The following RPS24 variants were observed in gnomAD, a reference collection of about 807,000 sequenced individuals.
RPS24 encodes ribosomal protein S24.
For missense variants in RPS24, 100 were observed against 162.5 expected, an observed-to-expected ratio of 0.62 and a Z score of 2.09; for synonymous variants, 72 against 55.6, an observed-to-expected ratio of 1.30 and a Z score of -1.31.
chr10:78,034,965 G>A (rs563624021), intron 1 of RPS24, among the ~76,000 whole-genome samples: 2 of 152,328 alleles, frequency 1.3e-5, no homozygotes, highest in African/African-American at 4.8e-5. Context: ...GGAAAGGTGG[G>A]AAGTGCTTCC....
At chr10:78,054,832 G>A in exon 5 of RPS24, 1 of 1,551,608 alleles carries the variant, frequency 6.4e-7, no homozygotes, top group African/African-American at 1.4e-5. Context: ...GCTCCTGCTG[G>A]TTCTCCCCAC....
intron 4 of RPS24, among the ~76,000 whole-genome samples, chr10:78,054,308 G>A (rs1352779439): frequency 2.0e-5 from 3 of 152,164 alleles, no homozygotes; most frequent in Non-Finnish European, 1.5e-5. Context: ...AGACTATGCT[G>A]TTTTCATTCC....
intron 4 of RPS24, among the ~76,000 whole-genome samples, chr10:78,052,071 G>A (rs1165073981): frequency 6.6e-6 from 1 of 152,030 alleles, no homozygotes; most frequent in East Asian, 1.9e-4. Flanking sequence ...TGTCGCCCAG[G>A]CTGGAGTACA....
Position 78,033,889 on chromosome 10 carries a change from A to G in RPS24, c.-13A>G, listed in dbSNP as rs376826449. The G allele has an allele frequency of 1.3e-4, 208 of 1,613,942 alleles. No individual in the cohort carries two copies. The highest frequency in any genetic ancestry group is 2.3e-5 in the Non-Finnish European group (27 of 1,179,996). On this transcript the variant is annotated 5_prime_UTR_variant, in exon 1 of 6. Transcript: ENST00000372360. ...TCTTTTCCTCCTTGGCTGTCTGAAGATAGATCGCCATCATGGTGAGTCTCC... is the reference window on the plus strand; with the variant it reads ...TCTTTTCCTCCTTGGCTGTCTGAAGGTAGATCGCCATCATGGTGAGTCTCC...
chr10:78,037,517 C>T, intron 4 of RPS24: 1 of 668,232 alleles, frequency 1.5e-6, no homozygotes, highest in Non-Finnish European at 2.3e-6. Flanking sequence ...CCCTTGTCAG[C>T]TCACAGCACA....
downstream of RPS24, chr10:78,040,811 T>G (rs1239064772): frequency 1.3e-6 from 1 of 762,680 alleles, no homozygotes; most frequent in East Asian, 2.7e-5. Flanking sequence ...CAGTGAAAAC[T>G]TAATGTCATG....
intron 4 of RPS24, among the ~76,000 whole-genome samples, chr10:78,052,629 G>T (rs909620115): frequency 2.0e-5 from 3 of 152,184 alleles, no homozygotes; most frequent in African/African-American, 7.2e-5. Context: ...CCCTTCTAGG[G>T]GTTATGTTGG....
rs1321512571 is a variant in RPS24, at chr10:78,037,413, C to T, written c.390+109C>T. On this transcript the variant is annotated intron_variant, in intron 4 of 5. Transcript: ENST00000372360. Reference sequence around the variant, plus strand: ...AAAATAACTTTTCTTAATGTTTCTTCTTTTCCCTCTTCTTCTGGATTACAG... The same window carrying T: ...AAAATAACTTTTCTTAATGTTTCTTTTTTTCCCTCTTCTTCTGGATTACAG... The T allele has an allele frequency of 3.4e-6, 5 of 1,462,380 alleles. No homozygotes were observed. The African/African-American group carries it at 7.2e-5, about 21-fold the overall frequency. The allele number at this position is 1,462,380 out of a possible 1,614,324, so 90.6% of individuals were successfully genotyped here.
downstream of RPS24, among the ~76,000 whole-genome samples, chr10:78,041,003 G>A (rs1036078049): frequency 1.3e-5 from 2 of 152,074 alleles, no homozygotes; most frequent in African/African-American, 4.8e-5. Flanking sequence ...CGAGGCTACA[G>A]TGAGGTGTTT....
At chr10:78,053,022 G>A (rs1848114821) in intron 4 of RPS24, among the ~76,000 whole-genome samples, 1 of 151,932 alleles carries the variant, frequency 6.6e-6, no homozygotes, top group Admixed American at 6.6e-5. Flanking sequence ...TGTGGTGGAG[G>A]GCGCCTTGTA....
downstream of RPS24, among the ~76,000 whole-genome samples, chr10:78,043,570 C>T (rs1433402370): frequency 2.0e-5 from 3 of 150,902 alleles, no homozygotes; most frequent in African/African-American, 7.4e-5. Flanking sequence ...GATGGCTAGC[C>T]AAATTCCCAA....
At position 78,035,687 on chromosome 10, in the gene RPS24, A is replaced by G. The variant is rs1240034111; in HGVS notation, c.246A>G (p.Ala82=). 2 of 1,602,714 alleles carry G rather than the reference A, an allele frequency of 1.2e-6. No homozygotes were observed. Among genetic ancestry groups the G allele is most frequent in the East Asian group, 2.2e-5 (1 of 44,888 alleles). The stretch of plus-strand genomic sequence containing the variant: ...TGATTTATGATTCCCTGGATTATGC[A>G]AAGAAAAATGAACCCAAACATAGAC... ...FGMIYDSLDY[A]KKNEPKHRLA... is the part of the protein sequence containing the mutation. Residue 82 remains alanine, a synonymous_variant, in exon 3 of 6, where the codon GCA becomes GCG. Transcript: ENST00000372360.
intron 3 of RPS24, chr10:78,035,935 T>C (rs764140838): frequency 1.6e-5 from 9 of 566,658 alleles, no homozygotes; most frequent in Non-Finnish European, 2.2e-5. Context: ...GCAGCTGAAG[T>C]AGTGTTCTTG....
At chr10:78,037,375 C>G in intron 4 of RPS24, 71 bp downstream of exon 4, 2 of 1,513,812 alleles carry the variant, frequency 1.3e-6, no homozygotes, top group South Asian at 1.3e-5. Flanking sequence ...AAGAAGGGAT[C>G]TTATTAATTT....
chr10:78,041,362 T>C (rs1847983633), downstream of RPS24, among the ~76,000 whole-genome samples: 1 of 152,142 alleles, frequency 6.6e-6, no homozygotes, highest in South Asian at 2.1e-4. Context: ...AGTTAAGTCA[T>C]GGGGCTGGGC....
downstream of RPS24, among the ~76,000 whole-genome samples, chr10:78,041,529 A>G (rs1847986127): frequency 6.6e-6 from 1 of 152,206 alleles, no homozygotes; most frequent in Non-Finnish European, 1.5e-5. Context: ...AACGTGTGGA[A>G]GAATGGGGTC....
At chr10:78,044,668 A>G (rs1438549887), downstream of RPS24, among the ~76,000 whole-genome samples, 1 of 151,340 alleles carries the variant, frequency 6.6e-6, no homozygotes, top group African/African-American at 2.4e-5. Flanking sequence ...GGAGGCAGAA[A>G]TGAGACCTGC....
intron 4 of RPS24, chr10:78,038,066 C>T (rs547861478): frequency 3.9e-5 from 33 of 855,794 alleles, no homozygotes; most frequent in South Asian, 9.2e-5. Flanking sequence ...GGCCTTTGGA[C>T]GACAGTTTTA....
intron 4 of RPS24, among the ~76,000 whole-genome samples, chr10:78,046,684 A>G (rs1345748440): frequency 6.6e-6 from 1 of 152,090 alleles, no homozygotes; most frequent in Admixed American, 6.5e-5. Flanking sequence ...GGGAAGTACT[A>G]TTACCCCCAT....
Sources: gnomAD v4.1 joint callset for allele counts (sites outside exome capture counted in the v4.1 genomes callset) on GRCh38, gnomAD v4.1.1 for gene constraint, MANE v1.5 for transcripts, NCBI Gene and HGNC (gene_info 2026-07-23, HGNC 2026-07-21) for gene names.